The following ASPH variants were observed in gnomAD, a reference collection of about 807,000 sequenced individuals.
ASPH encodes aspartyl/asparaginyl beta-hydroxylase.
In ASPH, 100 loss-of-function variants were observed where a neutral mutation model predicts 118.4. That is an observed-to-expected ratio of 0.84 (90% CI 0.72 to 1.00). ASPH has a LOEUF of 1.00. Ranked by LOEUF, ASPH falls within the 50% of genes least tolerant of loss-of-function variation. The pLI, the probability that ASPH is intolerant of heterozygous loss-of-function variation, is 0.00. For synonymous variants in ASPH, 315 were observed against 325.6 expected (o/e 0.97, Z 0.35); for missense variants, 920 against 919.5 (o/e 1.00, Z -0.01).
chr8:61,566,722 T>C (rs923269614), intron 17 of ASPH, among the ~76,000 whole-genome samples: 6 of 152,234 alleles, frequency 3.9e-5, no homozygotes, highest in East Asian at 1.9e-4. Flanking sequence ...GCTATTAACA[T>C]TGAGGCAAGA....
At position 61,695,328 on chromosome 8, in the gene ASPH, C is replaced by T. The variant is rs150823544; in HGVS notation, c.104-11140G>A. On this transcript the variant is annotated intron_variant, in intron 1 of 24. Coordinates refer to ENST00000379454, the MANE Select transcript of ASPH (RefSeq NM_004318.4). The stretch of plus-strand genomic sequence containing the variant: ...CTGCTTTCGAGATAAAATACAACAT[C>T]TTCCATGTGGCCTACAAGGAAGGCT... 7.9e-4 allele frequency among the ~76,000 whole-genome samples: 120 copies of T among 152,358 alleles called. 1 individual carries two copies. Among genetic ancestry groups the T allele is most frequent in the African/African-American group, 2.8e-3 (116 of 41,584 alleles).
chr8:61,616,683 G>A (rs1041192262), intron 14 of ASPH, among the ~76,000 whole-genome samples: 3 of 152,132 alleles, frequency 2.0e-5, no homozygotes, highest in Admixed American at 2.0e-4. Flanking sequence ...CTTCTCTCTT[G>A]TCTCAGGACT....
At chr8:61,578,522 G>A in intron 15 of ASPH, 2 of 1,582,648 alleles carry the variant, frequency 1.3e-6, no homozygotes, top group Non-Finnish European at 1.7e-6. Flanking sequence ...TCAACAACAA[G>A]TTTGCCTCCT....
At chr8:61,592,750 C>A (rs1162284811) in intron 14 of ASPH, among the ~76,000 whole-genome samples, 1 of 152,150 alleles carries the variant, frequency 6.6e-6, no homozygotes, top group African/African-American at 2.4e-5. Context: ...ACAGTTAACC[C>A]AAGATAGGAC....
chr8:61,712,211 C>T (rs1838211643), intron 1 of ASPH, among the ~76,000 whole-genome samples: 1 of 152,120 alleles, frequency 6.6e-6, no homozygotes, highest in South Asian at 2.1e-4. Flanking sequence ...TTGATTTTCC[C>T]AGTAGAAGGA....
At chr8:61,560,987 G>T (rs1282365998) in intron 18 of ASPH, among the ~76,000 whole-genome samples, 1 of 150,578 alleles carries the variant, frequency 6.6e-6, no homozygotes, top group Non-Finnish European at 1.5e-5. Flanking sequence ...AGGGACAGAA[G>T]AAAGAAAATA....
At chr8:61,522,325 T>G (rs992228240) in intron 22 of ASPH, among the ~76,000 whole-genome samples, 2 of 152,070 alleles carry the variant, frequency 1.3e-5, no homozygotes, top group African/African-American at 4.8e-5. Flanking sequence ...ACAACAGAAG[T>G]GTATTTTCTC....
intron 21 of ASPH, among the ~76,000 whole-genome samples, chr8:61,535,698 G>A (rs1220207055): frequency 1.3e-5 from 2 of 152,148 alleles, no homozygotes; most frequent in East Asian, 1.9e-4. Flanking sequence ...ATTATTTGAG[G>A]AATTATGTAT....
intron 13 of ASPH, 124 bp downstream of exon 13, chr8:61,633,559 T>C (rs1856512529): frequency 1.3e-6 from 1 of 787,666 alleles, no homozygotes. Flanking sequence ...AATTCTAAAT[T>C]AAGGTACAGT....
chr8:61,579,358 T>A, intron 15 of ASPH: 1 of 1,614,022 alleles, frequency 6.2e-7, no homozygotes, highest in Non-Finnish European at 8.5e-7. Context: ...CTGATGAACG[T>A]CAAGCTGGCC....
Position 61,503,489 on chromosome 8 carries a change from A to G in ASPH, c.2147T>C (p.Val716Ala). The change falls in exon 25 of 25, where the codon GTG (valine) becomes GCG (alanine). Residue 716 changes from valine to alanine, a missense_variant. Transcript: ENST00000379454. ...CTCAAAGGAGTCATCAAAGATGAGCACCTTGCCTTCCTCCCAGGTCCTGCA... is the reference window on the plus strand; with the variant it reads ...CTCAAAGGAGTCATCAAAGATGAGCGCCTTGCCTTCCTCCCAGGTCCTGCA... ...NETKTWEEGKVLIFDDSFEHE... is the reference protein window; with the variant it reads ...NETKTWEEGKALIFDDSFEHE... 1 of 1,611,908 alleles carries G rather than the reference A, an allele frequency of 6.2e-7. No individual in the cohort carries two copies. The highest frequency in any genetic ancestry group is 8.5e-7 in the Non-Finnish European group (1 of 1,178,972).
chr8:61,622,326 G>A (rs1229700031), intron 13 of ASPH, among the ~76,000 whole-genome samples: 1 of 152,194 alleles, frequency 6.6e-6, no homozygotes, highest in Non-Finnish European at 1.5e-5. Flanking sequence ...GACAGGGCGA[G>A]ACTCTGAGAC....
chr8:61,584,710 T>C (rs1230176995), intron 14 of ASPH, among the ~76,000 whole-genome samples: 1 of 151,428 alleles, frequency 6.6e-6, no homozygotes, highest in Non-Finnish European at 1.5e-5. Context: ...AGTCTCACTA[T>C]GTCACCCAGG....
intron 18 of ASPH, among the ~76,000 whole-genome samples, chr8:61,556,675 C>T (rs1023042806): frequency 3.3e-5 from 5 of 152,150 alleles, no homozygotes; most frequent in South Asian, 2.1e-4. Context: ...ATGCAAAGTG[C>T]CTCTAAATTA....
rs202081006 is a variant in ASPH, at chr8:61,625,954, C to T, written c.935-6935G>A. The T allele has an allele frequency of 2.2e-4, 248 of 1,121,894 alleles. 3 individuals are homozygous for T. The East Asian group carries it at 8.7e-3, about 39-fold the overall frequency. The allele number at this position is 1,121,894 out of a possible 1,614,324, so 69.5% of individuals were successfully genotyped here. A position where few individuals can be genotyped will look rare whatever the true frequency, so the allele number is the denominator to read the frequency against. ...CACCAATATAATTATTAACCACTGTCGGAAAAACACACATAAATTCAGGTA... is the reference window on the plus strand; with the variant it reads ...CACCAATATAATTATTAACCACTGTTGGAAAAACACACATAAATTCAGGTA... On this transcript the variant is annotated intron_variant, in intron 13 of 24. Transcript: ENST00000379454.
chr8:61,548,062 T>C lies in ASPH; in HGVS notation c.1764+9A>G. 1 of 1,611,066 alleles carries C rather than the reference T, an allele frequency of 6.2e-7. No individual in the cohort carries two copies. Among genetic ancestry groups the C allele is most frequent in the Non-Finnish European group, 8.5e-7 (1 of 1,178,418 alleles). The stretch of plus-strand genomic sequence containing the variant: ...GATCTGGTGAGGATGATGTCTAAGT[T>C]ATACTTACCTTTACTAACTCTGTGT... On this transcript the variant is annotated intron_variant, in intron 21 of 24. Coordinates refer to ENST00000379454, the MANE Select transcript of ASPH (RefSeq NM_004318.4).
At chr8:61,597,746 G>GA (rs796843319) in intron 14 of ASPH, among the ~76,000 whole-genome samples, 2 of 151,912 alleles carry the variant, frequency 1.3e-5, no homozygotes, top group African/African-American at 4.8e-5. Context: ...AGAGCTGAAA[G>GA]AAAAAAAATT....
intron 14 of ASPH, among the ~76,000 whole-genome samples, chr8:61,593,702 C>T (rs1309526010): frequency 1.3e-5 from 2 of 152,226 alleles, no homozygotes; most frequent in African/African-American, 4.8e-5. Flanking sequence ...GAGTAATAAT[C>T]CTTTAACAGA....
chr8:61,523,477 A>C (rs1029544523), intron 22 of ASPH, among the ~76,000 whole-genome samples: 5 of 151,906 alleles, frequency 3.3e-5, no homozygotes, highest in African/African-American at 1.2e-4. Context: ...CACTATGCCC[A>C]GCTAATTTTT....
Sources: allele counts gnomAD v4.1 joint callset (sites outside exome capture counted in the v4.1 genomes callset), GRCh38; gene constraint gnomAD v4.1.1; transcripts MANE v1.5; gene names NCBI Gene and HGNC (gene_info 2026-07-23, HGNC 2026-07-21).